MAGI3: variants seen among roughly 807,000 people sequenced by gnomAD.
MAGI3 encodes the protein membrane associated guanylate kinase, WW and PDZ domain containing 3, also known as membrane-associated guanylate kinase, WW and PDZ domain-containing protein 3.
A neutral mutation model predicts 121.8 loss-of-function variants in MAGI3; 43 were observed. That is an observed-to-expected ratio of 0.35 (90% CI 0.28 to 0.46). MAGI3 has a LOEUF of 0.46. Ranked by LOEUF, MAGI3 falls within the 20% of genes least tolerant of loss-of-function variation. MAGI3 has a pLI of 1.00. For missense variants in MAGI3, 1,547 were observed against 1,797.3 expected, an observed-to-expected ratio of 0.86 and a Z score of 2.52; for synonymous variants, 553 against 639.3, an observed-to-expected ratio of 0.86 and a Z score of 2.04.
intron 1 of MAGI3, among the ~76,000 whole-genome samples, chr1:113,438,148 G>A (rs2101448511): frequency 6.6e-6 from 1 of 151,894 alleles, no homozygotes; most frequent in Non-Finnish European, 1.5e-5. Flanking sequence ...CAAGGTTGTT[G>A]CTATGTTGCC....
At chr1:113,543,668 C>CA (rs1659394811) in intron 1 of MAGI3, among the ~76,000 whole-genome samples, 1 of 151,948 alleles carries the variant, frequency 6.6e-6, no homozygotes, top group Admixed American at 6.6e-5. Context: ...AGGAGTTTGA[C>CA]ACCAGTCTGG....
intron 1 of MAGI3, among the ~76,000 whole-genome samples, chr1:113,543,866 TA>T (rs5777160): frequency 0.53 from 72,985 of 136,936 alleles, 20,772 homozygotes; most frequent in East Asian, 0.73. Context: ...AGACCCCATC[TA>T]AAAAAAAAAA....
chr1:113,635,897 T>A (rs1651980408), intron 9 of MAGI3, among the ~76,000 whole-genome samples: 1 of 152,262 alleles, frequency 6.6e-6, no homozygotes, highest in East Asian at 1.9e-4. Context: ...ATTGCCACAA[T>A]TTCAGAGCCT....
chr1:113,456,853 CTTT>C (rs76977595), intron 1 of MAGI3, among the ~76,000 whole-genome samples: 1 of 139,708 alleles, frequency 7.2e-6, no homozygotes, highest in Non-Finnish European at 1.6e-5. Flanking sequence ...CGGATACAGC[CTTT>C]TTTTTTTTTT....
chr1:113,429,299 C>T (rs1429041231), intron 1 of MAGI3, among the ~76,000 whole-genome samples: 1 of 152,128 alleles, frequency 6.6e-6, no homozygotes, highest in Non-Finnish European at 1.5e-5. Flanking sequence ...GTGGAGGGTG[C>T]CCAGGCTCTT....
chr1:113,615,146 A>G (rs1650378844), intron 7 of MAGI3, among the ~76,000 whole-genome samples: 1 of 152,162 alleles, frequency 6.6e-6, no homozygotes, highest in South Asian at 2.1e-4. Flanking sequence ...TAGGGGTGAA[A>G]GTTGCTTCTT....
chr1:113,514,203 G>T (rs986772615), intron 1 of MAGI3, among the ~76,000 whole-genome samples: 1 of 152,196 alleles, frequency 6.6e-6, no homozygotes, highest in South Asian at 2.1e-4. Context: ...GAACCCTTGT[G>T]GAAGTCAGTG....
intron 1 of MAGI3, among the ~76,000 whole-genome samples, chr1:113,423,395 TC>T (rs1205750285): frequency 6.6e-6 from 1 of 151,608 alleles, no homozygotes; most frequent in African/African-American, 2.4e-5. Context: ...CCTCAGCCTC[TC>T]GAGTAGCTGG....
At chr1:113,417,047 T>G in intron 1 of MAGI3, among the ~76,000 whole-genome samples, 1 of 152,074 alleles carries the variant, frequency 6.6e-6, no homozygotes, top group East Asian at 1.9e-4. Flanking sequence ...TATTTTAAAA[T>G]TTCATTTATT....
chr1:113,655,192 T>A (rs1243734789), intron 15 of MAGI3, among the ~76,000 whole-genome samples: 3 of 152,162 alleles, frequency 2.0e-5, no homozygotes, highest in Non-Finnish European at 4.4e-5. Flanking sequence ...TCATGTTGTA[T>A]CATTGGAATC....
At chr1:113,639,313 C>T (rs1283482159) in intron 9 of MAGI3, among the ~76,000 whole-genome samples, 1 of 152,228 alleles carries the variant, frequency 6.6e-6, no homozygotes, top group Admixed American at 6.5e-5. Context: ...CAGAAATCAC[C>T]CATCTTCTGC....
At chr1:113,483,491 A>G (rs1656209300) in intron 1 of MAGI3, among the ~76,000 whole-genome samples, 1 of 152,234 alleles carries the variant, frequency 6.6e-6, no homozygotes, top group Non-Finnish European at 1.5e-5. Flanking sequence ...ACAGCAAACC[A>G]GCAAGAGTCA....
At chr1:113,449,643 A>G (rs1053681701) in intron 1 of MAGI3, 1 of 701,990 alleles carries the variant, frequency 1.4e-6, no homozygotes, top group Admixed American at 2.1e-5. Flanking sequence ...CTGATTAAAA[A>G]ATTTTTCAGT....
At chr1:113,505,702 T>G (rs1488369106) in intron 1 of MAGI3, among the ~76,000 whole-genome samples, 3 of 152,132 alleles carry the variant, frequency 2.0e-5, no homozygotes, top group African/African-American at 7.2e-5. Context: ...AAGGTGAATT[T>G]GACAAAAGAG....
intron 1 of MAGI3, among the ~76,000 whole-genome samples, chr1:113,444,104 T>C (rs1232492805): frequency 6.6e-6 from 1 of 152,222 alleles, no homozygotes; most frequent in African/African-American, 2.4e-5. Flanking sequence ...TTTTGGTCAG[T>C]TACAGCTCTT....
At chr1:113,528,836 T>C (rs1658574887) in intron 1 of MAGI3, among the ~76,000 whole-genome samples, 1 of 152,208 alleles carries the variant, frequency 6.6e-6, no homozygotes, top group Admixed American at 6.5e-5. Context: ...AATGTGAGGT[T>C]CAATATTTTT....
At chr1:113,474,625 A>C (rs1380251793) in intron 1 of MAGI3, among the ~76,000 whole-genome samples, 4 of 151,960 alleles carry the variant, frequency 2.6e-5, no homozygotes, top group Non-Finnish European at 4.4e-5. Context: ...TGGTCTATAT[A>C]TCTGTTTTGG....
intron 1 of MAGI3, among the ~76,000 whole-genome samples, chr1:113,444,145 C>T (rs1364218040): frequency 1.3e-5 from 2 of 152,238 alleles, no homozygotes; most frequent in East Asian, 1.9e-4. Flanking sequence ...TCCACTACCC[C>T]AGCCCCATGG....
intron 6 of MAGI3, among the ~76,000 whole-genome samples, chr1:113,608,692 G>A (rs1344993359): frequency 6.6e-6 from 1 of 152,174 alleles, no homozygotes; most frequent in African/African-American, 2.4e-5. Flanking sequence ...AGTCAGATAA[G>A]ACATTCTTTC....
Sources: gnomAD v4.1 joint callset for allele counts (sites outside exome capture counted in the v4.1 genomes callset) on GRCh38, gnomAD v4.1.1 for gene constraint, MANE v1.5 for transcripts, NCBI Gene and HGNC (gene_info 2026-07-23, HGNC 2026-07-21) for gene names.